Variants in ZNF514 observed in about 807,000 individuals in gnomAD.
ZNF514 encodes zinc finger protein 514.
In ZNF514, 12 loss-of-function variants were observed where a neutral mutation model predicts 9.7. The ratio of observed to expected loss-of-function variants is 1.24; its 90% CI spans 0.79 to 2.01. The LOEUF (loss-of-function observed/expected upper bound fraction) is 2.01. ZNF514 is among the 30% of genes most tolerant of loss of function. The probability of loss-of-function intolerance (pLI) is 0.00; values close to 1 mark genes in which losing one functional copy is unlikely to be tolerated. For synonymous variants in ZNF514, 158 were observed against 163.7 expected, an observed-to-expected ratio of 0.97 and a Z score of 0.27; for missense variants, 467 against 465.5, an observed-to-expected ratio of 1.00 and a Z score of -0.03.
Position 95,146,883 on chromosome 2 carries a change from T to C in ZNF514, c.*2399A>G, listed in dbSNP as rs1673372726. The stretch of plus-strand genomic sequence containing the variant: ...CCTGTAAACCTTGGCTGTCCAGGAA[T>C]AAATTTCTGTGTGATCTTGACCTCA... On this transcript the variant is annotated 3_prime_UTR_variant, in exon 5 of 5. Coordinates refer to ENST00000295208, the MANE Select transcript of ZNF514 (RefSeq NM_032788.3). Among the ~76,000 whole-genome samples the C allele has an allele frequency of 6.6e-6, 1 of 152,056 alleles. No homozygotes were observed. Among genetic ancestry groups the C allele is most frequent in the Non-Finnish European group, 1.5e-5 (1 of 68,016 alleles).
In ZNF514 at chr2:95,153,177, T is replaced by C. The variant is rs774466741; in HGVS notation, c.77A>G (p.Tyr26Cys). 3.7e-6 allele frequency: 6 copies of C among 1,613,984 alleles called. No homozygotes were observed. In the African/African-American group the frequency reaches 6.7e-5, roughly 18 times the overall value. ...GAAGTTCTCCAGCATCACCTCCCTG[T>C]AGAGGTCCTTCTGAGCAGGGTTCAG... ...GQLNPAQKDLYREVMLENFRN... is the reference protein window; with the variant it reads ...GQLNPAQKDLCREVMLENFRN... The change falls in exon 3 of 5, where the codon TAC becomes TGC. Residue 26 changes from tyrosine (Y) to cysteine (C), a missense_variant. Tyr to Cys is a radical substitution (Grantham distance 194). Transcript: ENST00000295208.
Position 95,157,368 on chromosome 2 carries a change from G to A in ZNF514, c.-24C>T. ...CAACTCACCCGAGGCCTGGCTTTCAGGAATGAATTGGTTGTTCCCTCTTCT... is the reference window on the plus strand; with the variant it reads ...CAACTCACCCGAGGCCTGGCTTTCAAGAATGAATTGGTTGTTCCCTCTTCT... On this transcript the variant is annotated 5_prime_UTR_variant, in exon 2 of 5. Transcript: ENST00000295208. The A allele has an allele frequency of 7.8e-7, 1 of 1,289,712 alleles. No individual in the cohort carries two copies. The highest frequency in any genetic ancestry group is 1.0e-6 in the Non-Finnish European group (1 of 988,800). The allele number at this position is 1,289,712 out of a possible 1,614,324, so 79.9% of individuals were successfully genotyped here.
chr2:95,133,702 T>C, the ZNF514 span, among the ~76,000 whole-genome samples: 1 of 152,214 alleles, frequency 6.6e-6, no homozygotes, highest in African/African-American at 2.4e-5. Flanking sequence ...ATTTACATTG[T>C]ATCAGGTGTT....
At chr2:95,125,554 A>G in the ZNF514 span, among the ~76,000 whole-genome samples, 1 of 152,318 alleles carries the variant, frequency 6.6e-6, no homozygotes, top group South Asian at 2.1e-4. Flanking sequence ...AATCATTTTT[A>G]AGTGTACAAT....
At chr2:95,131,127 A>T in the ZNF514 span, among the ~76,000 whole-genome samples, 1 of 152,220 alleles carries the variant, frequency 6.6e-6, no homozygotes, top group Admixed American at 6.5e-5. Context: ...CAAATTAGAA[A>T]ATCCAGCAAT....
chr2:95,127,101 T>C, the ZNF514 span, among the ~76,000 whole-genome samples: 1 of 152,220 alleles, frequency 6.6e-6, no homozygotes, highest in Non-Finnish European at 1.5e-5. Flanking sequence ...TTCTCTGTCC[T>C]TGATGCATAG....
At chr2:95,137,170 G>A in the ZNF514 span, among the ~76,000 whole-genome samples, 1 of 152,286 alleles carries the variant, frequency 6.6e-6, no homozygotes, top group South Asian at 2.1e-4. Context: ...AAATGCTCTA[G>A]CTGATTACCA....
the ZNF514 span, among the ~76,000 whole-genome samples, chr2:95,129,569 A>G: frequency 3.9e-5 from 6 of 152,026 alleles, no homozygotes; most frequent in South Asian, 2.1e-4. Context: ...CTTCCTCCAA[A>G]CTGCCCCCAC....
At chr2:95,158,480 G>A (rs1298329491) in intron 1 of ZNF514, among the ~76,000 whole-genome samples, 1 of 152,218 alleles carries the variant, frequency 6.6e-6, no homozygotes, top group Non-Finnish European at 1.5e-5. Context: ...ACGCTATTGG[G>A]GGAAGGGGCT....
At chr2:95,156,892 T>A (rs1318211595) in intron 2 of ZNF514, among the ~76,000 whole-genome samples, 1 of 152,166 alleles carries the variant, frequency 6.6e-6, no homozygotes, top group African/African-American at 2.4e-5. Flanking sequence ...CCTCAGAACC[T>A]GCTTGTCCCC....
chr2:95,151,820 TAGATCC>T (rs1287625517), intron 4 of ZNF514, among the ~76,000 whole-genome samples: 6 of 152,146 alleles, frequency 3.9e-5, no homozygotes, highest in African/African-American at 1.4e-4. Context: ...AACAGATGAC[TAGATCC>T]AGATGTCAGA....
chr2:95,153,415 T>G (rs2104471392), intron 2 of ZNF514, 156 bp from the exon 3 acceptor site: 1 of 633,688 alleles, frequency 1.6e-6, no homozygotes, highest in African/African-American at 1.8e-5. Flanking sequence ...CAAAAGGTTT[T>G]ATTCTCAATC....
chr2:95,131,635 G>A, the ZNF514 span, among the ~76,000 whole-genome samples: 1 of 152,184 alleles, frequency 6.6e-6, no homozygotes, highest in East Asian at 1.9e-4. Flanking sequence ...GTGAATGAGA[G>A]GGCATTAAAA....
chr2:95,123,948 T>C, the ZNF514 span, among the ~76,000 whole-genome samples: 1 of 152,190 alleles, frequency 6.6e-6, no homozygotes, highest in African/African-American at 2.4e-5. Flanking sequence ...AGAGGTCCCA[T>C]GTATCCTTTA....
the ZNF514 span, among the ~76,000 whole-genome samples, chr2:95,128,466 GAATT>G: frequency 1.3e-4 from 19 of 151,990 alleles, no homozygotes; most frequent in Non-Finnish European, 2.5e-4. Flanking sequence ...TGAGGCAGGA[GAATT>G]GCTTGAACCC....
At chr2:95,134,374 A>G in the ZNF514 span, among the ~76,000 whole-genome samples, 2 of 152,134 alleles carry the variant, frequency 1.3e-5, no homozygotes, top group African/African-American at 2.4e-5. Context: ...CTCGCTACCA[A>G]TGCTCTGGAG....
the ZNF514 span, among the ~76,000 whole-genome samples, chr2:95,128,747 G>A: frequency 1.3e-3 from 199 of 151,126 alleles, no homozygotes; most frequent in Admixed American, 2.7e-3. Context: ...GAAGGAAGAA[G>A]AAGGAGGAGA....
chr2:95,129,623 T>C, the ZNF514 span, among the ~76,000 whole-genome samples: 1 of 152,108 alleles, frequency 6.6e-6, no homozygotes, highest in African/African-American at 2.4e-5. Context: ...GATGAGGAGA[T>C]AGGGGCTCCC....
downstream of ZNF514, among the ~76,000 whole-genome samples, chr2:95,141,151 A>G (rs1440092683): frequency 6.6e-6 from 1 of 152,114 alleles, no homozygotes; most frequent in Non-Finnish European, 1.5e-5. Context: ...TTATTCATGT[A>G]ACCAAATACC....
Sources: allele counts gnomAD v4.1 joint callset (sites outside exome capture counted in the v4.1 genomes callset), GRCh38; gene constraint gnomAD v4.1.1; transcripts MANE v1.5; gene names NCBI Gene and HGNC (gene_info 2026-07-23, HGNC 2026-07-21).